USP29: variants seen among roughly 807,000 people sequenced by gnomAD.
The protein encoded by USP29 is ubiquitin carboxyl-terminal hydrolase 29.
For synonymous variants in USP29, 386 were observed against 387.4 expected (o/e 1.00, Z 0.04); for missense variants, 1,102 against 1,069.0 (o/e 1.03, Z -0.43).
At chr19:57,120,350 A>C (rs10409534) in intron 1 of USP29, 121 bp downstream of exon 1, 2 of 151,976 alleles carry the variant, frequency 1.3e-5, no homozygotes, top group African/African-American at 4.8e-5. Flanking sequence ...TTTAAAAATT[A>C]CCCACGCCTG....
chr19:57,130,242 G>T lies in USP29; in HGVS notation c.1567G>T (p.Val523Leu), dbSNP rs369997681. Residue 523 changes from valine (V) to leucine (L), a missense_variant, in exon 4 of 4, where the codon GTG becomes TTG. By Grantham distance (32) the Val-to-Leu change is conservative. Coordinates refer to ENST00000254181, the MANE Select transcript of USP29 (RefSeq NM_020903.3). ...TAGCTTCAACAATGCTTGGTTGCTG[G>T]TGAAGAATAACGAGCAAGTTTATAT... ...RYSFNNAWLL[V>L]KNNEQVYIPK... 4 of 1,613,974 alleles carry T rather than the reference G, an allele frequency of 2.5e-6. No homozygotes were observed. The African/African-American group carries it at 5.3e-5, about 22-fold the overall frequency.
rs1172762388 is a variant in USP29, at chr19:57,131,240, A to G, written c.2565A>G (p.Thr855=). Residue 855 remains threonine, a synonymous_variant, in exon 4 of 4, where the codon ACA becomes ACG. Coordinates refer to ENST00000254181, the MANE Select transcript of USP29 (RefSeq NM_020903.3). The part of the protein sequence containing the change: ...VYDFQKQAWF[T]YNDLCVSEIS... ...ACTTTCAGAAGCAGGCCTGGTTCACATACAACGATCTATGTGTATCAGAAA... is the reference window on the plus strand; with the variant it reads ...ACTTTCAGAAGCAGGCCTGGTTCACGTACAACGATCTATGTGTATCAGAAA... 6.2e-7 allele frequency: 1 copy of G among 1,614,224 alleles called. No individual in the cohort carries two copies. The highest frequency in any genetic ancestry group is 8.5e-7 in the Non-Finnish European group (1 of 1,180,042).
chr19:57,131,058 A>C lies in USP29; in HGVS notation c.2383A>C (p.Lys795Gln), dbSNP rs2086856771. Residue 795 changes from lysine (K) to glutamine (Q), a missense_variant, in exon 4 of 4, where the codon AAA becomes CAA. Physicochemically the swap from Lys to Gln is moderately conservative, Grantham distance 53. Coordinates refer to ENST00000254181, the MANE Select transcript of USP29 (RefSeq NM_020903.3). ...GALGSDNPGNKNILDAENTRG... is the reference protein window; with the variant it reads ...GALGSDNPGNQNILDAENTRG... ...ACTGGGTTCTGACAACCCAGGAAAC[A>C]AAAACATTTTAGATGCAGAGAACAC... 1.2e-6 allele frequency: 2 copies of C among 1,613,988 alleles called. No homozygotes were observed. Among genetic ancestry groups the C allele is most frequent in the Non-Finnish European group, 1.7e-6 (2 of 1,179,996 alleles).
chr19:57,126,083 G>T (rs1479106975), intron 3 of USP29, among the ~76,000 whole-genome samples: 1 of 152,116 alleles, frequency 6.6e-6, no homozygotes, highest in African/African-American at 2.4e-5. Flanking sequence ...TTGAATATTG[G>T]CCCCCACTGT....
At chr19:57,127,142 T>C (rs2086828090) in intron 3 of USP29, among the ~76,000 whole-genome samples, 1 of 152,180 alleles carries the variant, frequency 6.6e-6, no homozygotes, top group African/African-American at 2.4e-5. Context: ...GGAAGATTTG[T>C]CCCAGAGGGG....
rs549784942 is a variant in USP29, at chr19:57,129,192, C to T, written c.517C>T (p.Leu173=). The part of the protein sequence containing the change: ...ENQGGKGQNT[L]SSDVQTNEDI... ...TCAAGGTGGGAAGGGGCAAAACACA[C>T]TATCATCTGATGTACAGACAAATGA... Residue 173 remains leucine (L), a synonymous_variant, in exon 4 of 4, where the codon CTA becomes TTA. Transcript: ENST00000254181. 1.7e-5 allele frequency: 28 copies of T among 1,613,348 alleles called. No individual in the cohort carries two copies. Among genetic ancestry groups the T allele is most frequent in the Non-Finnish European group, 2.1e-5 (25 of 1,179,620 alleles).
At position 57,130,315 on chromosome 19, in the gene USP29, C is replaced by A; in HGVS notation, c.1640C>A (p.Pro547Gln). 1 of 1,614,040 alleles carries A rather than the reference C, an allele frequency of 6.2e-7. No homozygotes were observed. The highest frequency in any genetic ancestry group is 1.1e-5 in the South Asian group (1 of 91,072). The change falls in exon 4 of 4, where the codon CCA (proline) becomes CAA (glutamine). Residue 547 changes from proline to glutamine, a missense_variant. Transcript: ENST00000254181. ...LSSYCNESTK[P>Q]PLPLSSSAPV... ...TCTTATTGCAATGAAAGCACCAAAC[C>A]ACCTCTTCCCTTGAGCAGTAGTGCA...
chr19:57,129,290 C>A lies in USP29; in HGVS notation c.615C>A (p.Ser205Arg), dbSNP rs750382002. ...CAGATTCCTTGAAATATATACAAAG[C>A]AATAGGAAGAACCCATCAAGTTTAG... ...YKTDSLKYIQ[S>R]NRKNPSSLED... Residue 205 changes from serine (S) to arginine (R), a missense_variant, in exon 4 of 4, where the codon AGC becomes AGA. By Grantham distance (110) the Ser-to-Arg change is moderately radical (BLOSUM62 -1). Coordinates refer to ENST00000254181, the MANE Select transcript of USP29 (RefSeq NM_020903.3). 3 of 1,613,946 alleles carry A rather than the reference C, an allele frequency of 1.9e-6. No homozygotes were observed. Among genetic ancestry groups the A allele is most frequent in the Admixed American group, 3.3e-5 (2 of 59,984 alleles).
At chr19:57,124,862 A>G (rs1437977123) in intron 3 of USP29, among the ~76,000 whole-genome samples, 1 of 152,150 alleles carries the variant, frequency 6.6e-6, no homozygotes, top group South Asian at 2.1e-4. Context: ...GTCATTCAGG[A>G]GCATCATATA....
Position 57,131,120 on chromosome 19 carries a change from G to A in USP29, c.2445G>A (p.Lys815=), listed in dbSNP as rs1301898631. The part of the protein sequence containing the change: ...GEAKELTRNV[K]MGDPLQAYRL... ...CCAAGGAACTAACAAGAAACGTGAA[G>A]ATGGGGGATCCTCTCCAGGCCTACA... The change falls in exon 4 of 4, where the codon AAG becomes AAA. Residue 815 remains lysine (K), a synonymous_variant. Coordinates refer to ENST00000254181, the MANE Select transcript of USP29 (RefSeq NM_020903.3). 1.2e-6 allele frequency: 2 copies of A among 1,614,100 alleles called. No homozygotes were observed. Among genetic ancestry groups the A allele is most frequent in the Non-Finnish European group, 8.5e-7 (1 of 1,180,046 alleles).
chr19:57,129,365 C>G lies in USP29; in HGVS notation c.690C>G (p.Thr230=). 2 of 1,614,032 alleles carry G rather than the reference C, an allele frequency of 1.2e-6. No individual in the cohort carries two copies. The highest frequency in any genetic ancestry group is 4.5e-5 in the East Asian group (2 of 44,876). ...TGAAACTCGGGCCTTCATTCAATAC[C>G]AACTGTAATGGAAATCCTAACCTAG... ...RDLKLGPSFN[T]NCNGNPNLDE... Residue 230 remains threonine (T), a synonymous_variant, in exon 4 of 4, where the codon ACC becomes ACG. Transcript: ENST00000254181.
rs1166624526 is a variant in USP29 at position 57,129,404 on chromosome 19, T to TG, written c.730dup (p.Ala244GlyfsTer23). On this transcript the variant is annotated frameshift_variant, in exon 4 of 4. Coordinates refer to ENST00000254181, the MANE Select transcript of USP29 (RefSeq NM_020903.3). LOFTEE classifies it low-confidence loss of function (END_TRUNC). ...ATCCTAACCTAGATGAGACTGTTCT[T>TG]GCAACCCAGACTCTCAATGCCAAAA... 6.2e-7 allele frequency: 1 copy of TG among 1,614,204 alleles called. No individual in the cohort carries two copies. The highest frequency in any genetic ancestry group is 8.5e-7 in the Non-Finnish European group (1 of 1,180,038).
chr19:57,119,475 T>A (rs2086781322), upstream of USP29, among the ~76,000 whole-genome samples: 1 of 152,174 alleles, frequency 6.6e-6, no homozygotes. Flanking sequence ...CAGGCTGGAT[T>A]GTAGTGGCGC....
intron 3 of USP29, among the ~76,000 whole-genome samples, chr19:57,126,083 G>A (rs1479106975): frequency 6.6e-6 from 1 of 152,116 alleles, no homozygotes; most frequent in East Asian, 1.9e-4. Context: ...TTGAATATTG[G>A]CCCCCACTGT....
At position 57,131,284 on chromosome 19, in the gene USP29, A is replaced by G. The variant is rs368034920; in HGVS notation, c.2609A>G (p.Gln870Arg). The change falls in exon 4 of 4, where the codon CAG (glutamine) becomes CGG (arginine). Residue 870 changes from glutamine (Q) to arginine (R), a missense_variant. Gln to Arg is a conservative substitution (Grantham distance 43). Transcript: ENST00000254181. ...TCAGAAATCTCAGAGACCAAAATGC[A>G]GGAGGCGAGGCTTCACTCTGGGTAT... ...CVSEISETKM[Q>R]EARLHSGYIF... 1 of 1,614,084 alleles carries G rather than the reference A, an allele frequency of 6.2e-7. No individual in the cohort carries two copies. The highest frequency in any genetic ancestry group is 1.3e-5 in the African/African-American group (1 of 74,938).
At position 57,131,019 on chromosome 19, in the gene USP29, A is replaced by G. The variant is rs1249947185; in HGVS notation, c.2344A>G (p.Asn782Asp). ...ATTAAGACTTCAAAAGGCTGACCTG[A>G]ATCACCTTGGGGCACTGGGTTCTGA... ...TELRLQKADL[N>D]HLGALGSDNP... Residue 782 changes from asparagine to aspartate, a missense_variant, in exon 4 of 4, where the codon AAT becomes GAT. Transcript: ENST00000254181. 6.2e-7 allele frequency: 1 copy of G among 1,614,072 alleles called. No individual in the cohort carries two copies. Among genetic ancestry groups the G allele is most frequent in the African/African-American group, 1.3e-5 (1 of 74,942 alleles).
At position 57,131,033 on chromosome 19, in the gene USP29, A is replaced by G. The variant is rs2086856455; in HGVS notation, c.2358A>G (p.Ala786=). ...AGGCTGACCTGAATCACCTTGGGGC[A>G]CTGGGTTCTGACAACCCAGGAAACA... is the stretch of plus-strand genomic sequence containing the variant. ...LQKADLNHLG[A]LGSDNPGNKN... The change falls in exon 4 of 4, where the codon GCA becomes GCG. Residue 786 remains alanine (A), a synonymous_variant. Coordinates refer to ENST00000254181, the MANE Select transcript of USP29 (RefSeq NM_020903.3). 1.2e-6 allele frequency: 2 copies of G among 1,614,058 alleles called. No individual in the cohort carries two copies. The highest frequency in any genetic ancestry group is 1.3e-5 in the African/African-American group (1 of 74,954).
At position 57,121,911 on chromosome 19, in the gene USP29, C is replaced by T. The variant is rs111279534; in HGVS notation, c.-267-414C>T. ...GGTGGATTACTGGAGGTCAGGAGTT[C>T]GAGACCTGGGCAACATAGCAAGACC... On this transcript the variant is annotated intron_variant, in intron 1 of 3. Transcript: ENST00000254181. 6.3e-3 allele frequency among the ~76,000 whole-genome samples: 952 copies of T among 150,672 alleles called. 6 individuals are homozygous for T. Among genetic ancestry groups the T allele is most frequent in the African/African-American group, 0.021 (869 of 41,038 alleles).
Position 57,130,173 on chromosome 19 carries a change from TTTAG to T in USP29, c.1500_1503del (p.Phe500LeufsTer11), listed in dbSNP as rs1287916434. The T allele has an allele frequency of 1.9e-6, 3 of 1,614,112 alleles. No homozygotes were observed. Among genetic ancestry groups the T allele is most frequent in the Non-Finnish European group, 2.5e-6 (3 of 1,180,032 alleles). On this transcript the variant is annotated frameshift_variant, in exon 4 of 4. Transcript: ENST00000254181. LOFTEE classifies it low-confidence loss of function (END_TRUNC). ...GAAGAGTTGTGTTGCAAGGCATACA[TTTAG>T]TAGGCTCTCCAGGGTCCTTATCATT...
Sources: gnomAD v4.1 joint callset for allele counts (sites outside exome capture counted in the v4.1 genomes callset) on GRCh38, gnomAD v4.1.1 for gene constraint, MANE v1.5 for transcripts, NCBI Gene and HGNC (gene_info 2026-07-23, HGNC 2026-07-21) for gene names.